The following NCOA3 variants were observed in gnomAD, a reference collection of about 807,000 sequenced individuals.
NCOA3 encodes nuclear receptor coactivator 3.
In NCOA3, 51 loss-of-function variants were observed where a neutral mutation model predicts 158.8. That is an observed-to-expected ratio of 0.32 (90% CI 0.26 to 0.41). The LOEUF is 0.41. NCOA3 is among the 10% of genes least tolerant of loss of function. NCOA3 has a pLI of 1.00. For missense variants in NCOA3, 1,510 were observed against 1,746.6 expected (o/e 0.86, Z 2.41); for synonymous variants, 537 against 592.4 (o/e 0.91, Z 1.36).
intron 12 of NCOA3, 54 bp downstream of exon 12, chr20:47,636,816 A>G (rs914574579): frequency 6.9e-7 from 1 of 1,448,594 alleles, no homozygotes; most frequent in African/African-American, 1.4e-5. Context: ...TCGGTGTTAG[A>G]TAATGTGATA....
At chr20:47,521,974 T>C (rs2084341917) in intron 1 of NCOA3, among the ~76,000 whole-genome samples, 1 of 152,214 alleles carries the variant, frequency 6.6e-6, no homozygotes, top group African/African-American at 2.4e-5. Flanking sequence ...TTGATCAATT[T>C]GGAGAGAATC....
At chr20:47,626,970 A>T (rs753355950) in intron 5 of NCOA3, 32 bp from the exon 6 acceptor site, 10 of 1,574,222 alleles carry the variant, frequency 6.4e-6, no homozygotes, top group Middle Eastern at 1.8e-4. Flanking sequence ...AATTCAGTCC[A>T]TAACAGCCTG....
chr20:47,502,337 C>T (rs1189030432), intron 1 of NCOA3, among the ~76,000 whole-genome samples: 4 of 152,146 alleles, frequency 2.6e-5, no homozygotes, highest in African/African-American at 9.7e-5. Context: ...GGCCCACTTT[C>T]CCCTTCTGTC....
intron 16 of NCOA3, among the ~76,000 whole-genome samples, chr20:47,640,614 C>T (rs914013433): frequency 6.6e-5 from 10 of 151,774 alleles, no homozygotes; most frequent in Admixed American, 5.9e-4. Flanking sequence ...GGTGTGGTGG[C>T]TCACGCCTGT....
chr20:47,555,844 A>G (rs1248405444), intron 1 of NCOA3, among the ~76,000 whole-genome samples: 1 of 148,200 alleles, frequency 6.7e-6, no homozygotes, highest in Non-Finnish European at 1.5e-5. Flanking sequence ...GGGTTTCACC[A>G]TGTTAGCCAG....
In NCOA3 at chr20:47,502,987, A is replaced by G. The variant is rs113161516; in HGVS notation, c.-99+968A>G. 5.9e-5 allele frequency among the ~76,000 whole-genome samples: 9 copies of G among 152,316 alleles called. 3 individuals carry two copies. Among genetic ancestry groups the G allele is most frequent in the African/African-American group, 2.2e-4 (9 of 41,558 alleles). ...AACTTTTTTCCCCCTCCCGAATGCG[A>G]AGACTTCCTTTTTGCAATATTTGAG... On this transcript the variant is annotated intron_variant, in intron 1 of 22. Transcript: ENST00000371998.
chr20:47,652,306 C>T, intron 20 of NCOA3, 100 bp from the exon 21 acceptor site: 2 of 977,808 alleles, frequency 2.0e-6, no homozygotes, highest in East Asian at 2.6e-5. Flanking sequence ...TCCCTCCACC[C>T]CCACCTCCTT....
Position 47,635,414 on chromosome 20 carries a change from G to A in NCOA3, c.1205G>A (p.Ser402Asn), listed in dbSNP as rs375357603. The A allele has an allele frequency of 3.7e-6, 6 of 1,614,164 alleles. No homozygotes were observed. Among genetic ancestry groups the A allele is most frequent in the Non-Finnish European group, 5.1e-6 (6 of 1,180,034 alleles). The change falls in exon 11 of 23, where the codon AGT (serine) becomes AAT (asparagine). Residue 402 changes from serine to asparagine, a missense_variant. Ser to Asn is a conservative substitution (Grantham distance 46). Transcript: ENST00000371998. ...AGCNSSVGGM[S>N]MSPNQGLQMP... ...TGCAACAGTTCGGTAGGCGGCATGA[G>A]TATGTCGCCAAACCAAGGCTTACAG...
At chr20:47,506,569 A>C (rs564375174) in intron 1 of NCOA3, among the ~76,000 whole-genome samples, 242 of 152,336 alleles carry the variant, frequency 1.6e-3, no homozygotes, top group Non-Finnish European at 2.6e-3. Context: ...CTGCCAGCCT[A>C]GGTCAGTTTA....
intron 1 of NCOA3, among the ~76,000 whole-genome samples, chr20:47,502,980 G>T (rs1240155574): frequency 6.6e-6 from 1 of 152,078 alleles, no homozygotes; most frequent in Non-Finnish European, 1.5e-5. Context: ...TCCCCCTCCC[G>T]AATGCGAAGA....
intron 19 of NCOA3, among the ~76,000 whole-genome samples, chr20:47,650,259 CTTTTTTT>C (rs555753870): frequency 1.5e-5 from 2 of 131,122 alleles, no homozygotes; most frequent in South Asian, 2.5e-4. Flanking sequence ...AGCCAGAAAG[CTTTTTTT>C]TTTTTTTTTT....
Position 47,639,169 on chromosome 20 carries a change from A to G in NCOA3, c.2674A>G (p.Met892Val). ...QPMLGGNPRM[M>V]DSQENYGSSM... ...CATGTTGGGTGGGAATCCAAGAATGATGGATAGTCAGGAAAATTATGGCTC... is the reference window on the plus strand; with the variant it reads ...CATGTTGGGTGGGAATCCAAGAATGGTGGATAGTCAGGAAAATTATGGCTC... Residue 892 changes from methionine (M) to valine (V), a missense_variant, in exon 14 of 23, where the codon ATG (methionine) becomes GTG (valine). Around this residue, in one of 4 missense-constraint regions of NCOA3, gnomAD observed 1,017 missense variants for 1,098.3 expected, o/e 0.93. Coordinates refer to ENST00000371998, the MANE Select transcript of NCOA3 (RefSeq NM_181659.3). The G allele has an allele frequency of 1.9e-6, 3 of 1,614,044 alleles. No homozygotes were observed. The highest frequency in any genetic ancestry group is 2.5e-6 in the Non-Finnish European group (3 of 1,179,932).
chr20:47,596,731 G>T (rs1420720860), intron 2 of NCOA3, among the ~76,000 whole-genome samples: 1 of 151,924 alleles, frequency 6.6e-6, no homozygotes, highest in Non-Finnish European at 1.5e-5. Context: ...GACTACAGGC[G>T]CTTGCCACCA....
chr20:47,647,822 T>A (rs1344316307), intron 18 of NCOA3, among the ~76,000 whole-genome samples: 1 of 152,094 alleles, frequency 6.6e-6, no homozygotes, highest in Non-Finnish European at 1.5e-5. Flanking sequence ...CCAAGAAATG[T>A]TTTAAAATTC....
At chr20:47,595,828 G>C (rs1312169663) in intron 2 of NCOA3, among the ~76,000 whole-genome samples, 1 of 152,108 alleles carries the variant, frequency 6.6e-6, no homozygotes, top group Non-Finnish European at 1.5e-5. Flanking sequence ...GTGAAGTAGG[G>C]ATAATATTGA....
chr20:47,647,305 C>G lies in NCOA3; in HGVS notation c.3485C>G (p.Pro1162Arg). The G allele has an allele frequency of 6.2e-7, 1 of 1,614,142 alleles. No individual in the cohort carries two copies. The highest frequency in any genetic ancestry group is 1.1e-5 in the South Asian group (1 of 91,074). ...CACCCACGAGCCAACATCATGAGACCCCGGACAAACACCCCCAAGCAACTT... is the reference window on the plus strand; with the variant it reads ...CACCCACGAGCCAACATCATGAGACGCCGGACAAACACCCCCAAGCAACTT... ...GMHPRANIMR[P>R]RTNTPKQLRM... The change falls in exon 18 of 23, where the codon CCC (proline) becomes CGC (arginine). Residue 1162 changes from proline (P) to arginine (R), a missense_variant. Physicochemically the swap from Pro to Arg is moderately radical, Grantham distance 103 (BLOSUM62 -2). This residue lies in a region of NCOA3 where 1,017 missense variants were observed against 1,098.3 expected (regional missense o/e 0.93). Transcript: ENST00000371998.
At chr20:47,519,108 A>G (rs1602333410) in intron 1 of NCOA3, among the ~76,000 whole-genome samples, 1 of 150,442 alleles carries the variant, frequency 6.6e-6, no homozygotes, top group East Asian at 2.0e-4. Flanking sequence ...TGCACTCCAC[A>G]CTGGGTGACA....
At chr20:47,542,009 G>GTTTTTTTGCTTTTTTT (rs71183262) in intron 1 of NCOA3, among the ~76,000 whole-genome samples, 3 of 56,318 alleles carry the variant, frequency 5.3e-5, no homozygotes, top group African/African-American at 2.2e-4. Context: ...GCCCTGTAGA[G>GTTTTTTTGCTTTTTTT]TTTTTTTTTT....
intron 1 of NCOA3, among the ~76,000 whole-genome samples, chr20:47,576,665 A>C (rs6094739): frequency 6.6e-6 from 1 of 152,214 alleles, no homozygotes; most frequent in Admixed American, 6.5e-5. Context: ...GAAAATGTGC[A>C]ATCCTGGTAG....
Sources: gnomAD v4.1 joint callset for allele counts (sites outside exome capture counted in the v4.1 genomes callset) on GRCh38, gnomAD v4.1.1 for gene constraint, gnomAD v4.1.1 regional missense constraint, MANE v1.5 for transcripts, NCBI Gene and HGNC (gene_info 2026-07-23, HGNC 2026-07-21) for gene names.